The following CTNNA2 variants were observed in gnomAD, a reference collection of about 807,000 sequenced individuals.
CTNNA2 encodes catenin alpha-2.
CTNNA2 carries 42 observed loss-of-function variants against 101.0 expected under a neutral mutation model. The ratio of observed to expected loss-of-function variants is 0.42; its 90% confidence interval spans 0.32 to 0.54. The LOEUF (loss-of-function observed/expected upper bound fraction) is 0.54, where lower values mean the gene tolerates loss of function less well. CTNNA2 is among the 20% of genes least tolerant of loss of function. The pLI is 0.14. For missense variants in CTNNA2, 871 were observed against 1,223.1 expected, an observed-to-expected ratio of 0.71 and a Z score of 4.29; for synonymous variants, 450 against 456.4, an observed-to-expected ratio of 0.99 and a Z score of 0.18.
intron 1 of CTNNA2, among the ~76,000 whole-genome samples, chr2:79,193,913 A>C (rs1409900086): frequency 1.3e-5 from 2 of 152,316 alleles, no homozygotes; most frequent in Middle Eastern, 3.4e-3. Flanking sequence ...AATACATGTA[A>C]ATTGTTACGA....
intron 5 of CTNNA2, 109 bp from the exon 6 acceptor site, chr2:79,873,967 G>A: frequency 2.7e-6 from 4 of 1,477,988 alleles, no homozygotes; most frequent in Non-Finnish European, 3.6e-6. Context: ...ACAGCACAAG[G>A]GTTTCTGAAG....
In CTNNA2 at chr2:80,303,893, A is replaced by G; in HGVS notation, c.1057-89318A>G. 2 of 1,436,826 alleles carry G rather than the reference A, an allele frequency of 1.4e-6. No homozygotes were observed. The highest frequency in any genetic ancestry group is 2.4e-5 in the East Asian group (1 of 41,114). The allele number at this position is 1,436,826 out of a possible 1,614,324, so 89.0% of individuals were successfully genotyped here. A position where few individuals can be genotyped will look rare whatever the true frequency, so the allele number is the denominator to read the frequency against. On this transcript the variant is annotated intron_variant, in intron 7 of 18. Transcript: ENST00000402739. The surrounding 1 kb of genome is among the most constrained non-coding windows in gnomAD (Gnocchi z 7.7). ...CGGTCAGAAATCTACATCATATTTT[A>G]TTCCGAGGGAGGGGAAGCGGGGGAG...
intron 12 of CTNNA2, among the ~76,000 whole-genome samples, chr2:80,557,288 T>G (rs1693129714): frequency 6.6e-6 from 1 of 152,224 alleles, no homozygotes; most frequent in East Asian, 1.9e-4. Context: ...TGCATTCAAT[T>G]GAGCAACACA....
chr2:79,680,033 G>A (rs558307431), intron 2 of CTNNA2, among the ~76,000 whole-genome samples: 3 of 152,046 alleles, frequency 2.0e-5, no homozygotes, highest in Non-Finnish European at 4.4e-5. Flanking sequence ...GGGATGAGCA[G>A]CAAGAGAGGA....
chr2:79,322,705 C>T lies in CTNNA2; in HGVS notation c.-318+9909C>T, dbSNP rs997659102. Among the ~76,000 whole-genome samples, 14 of 152,240 alleles carry T rather than the reference C, an allele frequency of 9.2e-5. No individual in the cohort carries two copies. In the East Asian group the frequency reaches 2.5e-3, roughly 27 times the overall value. Reference sequence around the variant, plus strand: ...CATTGCTCCATTCAATTCTCATGGTCCCTTGAGAGGTTGGGAGGGAAGACA... The same window carrying T: ...CATTGCTCCATTCAATTCTCATGGTTCCTTGAGAGGTTGGGAGGGAAGACA... On this transcript the variant is annotated intron_variant, in intron 3 of 21. Transcript: ENST00000466387.
intron 3 of CTNNA2, among the ~76,000 whole-genome samples, chr2:79,332,603 T>C (rs561359179): frequency 5.3e-5 from 8 of 152,320 alleles, no homozygotes; most frequent in African/African-American, 1.4e-4. Context: ...AGCAAGCATG[T>C]CATGTAGAAA....
chr2:79,238,509 C>T (rs1381138895), intron 2 of CTNNA2, among the ~76,000 whole-genome samples: 1 of 152,162 alleles, frequency 6.6e-6, no homozygotes, highest in Non-Finnish European at 1.5e-5. Flanking sequence ...CACCAATAGA[C>T]TTGCTTGATT....
intron 9 of CTNNA2, among the ~76,000 whole-genome samples, chr2:80,536,464 T>C (rs1347027335): frequency 6.6e-6 from 1 of 152,190 alleles, no homozygotes; most frequent in Non-Finnish European, 1.5e-5. Flanking sequence ...ATTTCAATAG[T>C]GTGTTCTTAA....
intron 6 of CTNNA2, among the ~76,000 whole-genome samples, chr2:79,880,603 A>G (rs548883114): frequency 1.4e-4 from 22 of 152,078 alleles, no homozygotes; most frequent in Non-Finnish European, 2.6e-4. Flanking sequence ...GTTGATTTGC[A>G]TAGAGGTGTT....
chr2:79,371,978 G>A (rs1023085098), intron 3 of CTNNA2, among the ~76,000 whole-genome samples: 6 of 152,136 alleles, frequency 3.9e-5, no homozygotes, highest in African/African-American at 1.4e-4. Flanking sequence ...AGGAAGAAAA[G>A]CAGAAAGAGT....
intron 7 of CTNNA2, among the ~76,000 whole-genome samples, chr2:80,139,503 A>G (rs1702879987): frequency 6.6e-6 from 1 of 152,138 alleles, no homozygotes; most frequent in Admixed American, 6.6e-5. Context: ...TGTAAAGGCA[A>G]TGGAGAATGC....
chr2:79,523,767 A>G (rs1260787091), intron 1 of CTNNA2, among the ~76,000 whole-genome samples: 1 of 152,150 alleles, frequency 6.6e-6, no homozygotes, highest in Non-Finnish European at 1.5e-5. Flanking sequence ...TAAACTTGTA[A>G]AAGTTTACCA....
At chr2:80,217,181 A>T (rs955594602) in intron 7 of CTNNA2, among the ~76,000 whole-genome samples, 3 of 152,136 alleles carry the variant, frequency 2.0e-5, no homozygotes, top group Non-Finnish European at 4.4e-5. Context: ...CCAGATGAAT[A>T]GTTTCTATGT....
At position 79,202,345 on chromosome 2, in the gene CTNNA2, T is replaced by TA. The variant is rs1363678490; in HGVS notation, c.-406+4269_-406+4270insA. Reference sequence around the variant, plus strand: ...CACACTTGTTTTTTTATTTTTTTTATTTTTTTTATTTTTTTGAGACAGGGT... The same window carrying TA: ...CACACTTGTTTTTTTATTTTTTTTATATTTTTTTATTTTTTTGAGACAGGGT... On this transcript the variant is annotated intron_variant, in intron 2 of 21. Transcript: ENST00000466387. Among the ~76,000 whole-genome samples, 657 of 146,258 alleles carry TA rather than the reference T, an allele frequency of 4.5e-3. 1 individual carries two copies. Among genetic ancestry groups the TA allele is most frequent in the African/African-American group, 0.016 (633 of 38,998 alleles).
chr2:79,843,810 A>T (rs1322734758), intron 3 of CTNNA2, among the ~76,000 whole-genome samples: 1 of 152,184 alleles, frequency 6.6e-6, no homozygotes, highest in African/African-American at 2.4e-5. Flanking sequence ...GCCCCAACAC[A>T]ATTGCTAAAT....
chr2:79,346,878 A>G (rs981279350), intron 3 of CTNNA2, among the ~76,000 whole-genome samples: 9 of 152,164 alleles, frequency 5.9e-5, no homozygotes, highest in African/African-American at 2.2e-4. Context: ...TGGTTTAAAG[A>G]TGCTTATTTT....
intron 7 of CTNNA2, among the ~76,000 whole-genome samples, chr2:80,083,901 A>G (rs954208038): frequency 6.6e-6 from 1 of 152,130 alleles, no homozygotes; most frequent in African/African-American, 2.4e-5. Flanking sequence ...TAGGTTGGGA[A>G]GTGGATCATA....
At chr2:80,559,725 G>A (rs11692474) in intron 12 of CTNNA2, among the ~76,000 whole-genome samples, 20,043 of 151,770 alleles carry the variant, frequency 0.13, 1,745 homozygotes, top group Middle Eastern at 0.2. Flanking sequence ...ATATTTGATG[G>A]GCTCTTCAAT....
In CTNNA2 at chr2:80,264,972, G is replaced by A. The variant is rs985872710; in HGVS notation, c.1057-128239G>A. Among the ~76,000 whole-genome samples the A allele has an allele frequency of 4.7e-5, 5 of 105,350 alleles. No homozygotes were observed. The East Asian group carries it at 9.4e-4, about 20-fold the overall frequency. 69.1% of individuals were successfully genotyped at this position (105,350 alleles called of 152,430 possible). A position where few individuals can be genotyped will look rare whatever the true frequency, so the allele number is the denominator to read the frequency against. On this transcript the variant is annotated intron_variant, in intron 7 of 18. Transcript: ENST00000402739. ...AGAAAGGATAGGGAAGGATAGGGAA[G>A]AGGTGTTTTTTTTTTTTTTTGAGGT...
Sources: gnomAD v4.1 joint callset for allele counts (sites outside exome capture counted in the v4.1 genomes callset) on GRCh38, gnomAD v4.1.1 for gene constraint, Gnocchi (gnomAD v3.1) non-coding constraint, MANE v1.5 for transcripts, NCBI Gene and HGNC (gene_info 2026-07-23, HGNC 2026-07-21) for gene names.